The following TRAPPC8 variants were observed in gnomAD, a reference collection of about 807,000 sequenced individuals.
TRAPPC8 encodes general sporulation gene 1 homolog.
In TRAPPC8, 54 loss-of-function variants were observed where a neutral mutation model predicts 174.3. The observed-to-expected ratio is 0.31, with a 90% CI of 0.25 to 0.39. The LOEUF is 0.39. Ranked by LOEUF, TRAPPC8 falls within the 10% of genes least tolerant of loss-of-function variation. The pLI, the probability that TRAPPC8 is intolerant of heterozygous loss-of-function variation, is 1.00. For synonymous variants in TRAPPC8, 630 were observed against 579.9 expected (o/e 1.09, Z -1.24); for missense variants, 1,531 against 1,699.1 (o/e 0.90, Z 1.74).
intron 26 of TRAPPC8, chr18:31,845,252 A>G (rs1489460184): frequency 2.6e-5 from 4 of 152,022 alleles, no homozygotes; most frequent in African/African-American, 9.7e-5. Flanking sequence ...CAATGTCATG[A>G]TCAACAAATA....
chr18:31,917,994 C>T (rs951271711), intron 2 of TRAPPC8, among the ~76,000 whole-genome samples: 10 of 152,002 alleles, frequency 6.6e-5, no homozygotes, highest in Admixed American at 6.6e-4. Flanking sequence ...GGCATGGTGG[C>T]ACGTGACTGT....
In TRAPPC8 at chr18:31,901,115, GTT is replaced by G. The variant is rs3833187; in HGVS notation, c.1390-92_1390-91del. The G allele has an allele frequency of 8.3e-6, 8 of 968,148 alleles. No homozygotes were observed. In the African/African-American group the frequency reaches 1.2e-4, roughly 15 times the overall value. The allele number at this position is 968,148 out of a possible 1,614,324, so 60.0% of individuals were successfully genotyped here. A position where few individuals can be genotyped will look rare whatever the true frequency, so the allele number is the denominator to read the frequency against. ...ACTAAAAGTTGGAATGAAATTTGCT[GTT>G]TTTTTTTTAACTGGATACACATGTA... On this transcript the variant is annotated intron_variant, in intron 9 of 28. Transcript: ENST00000283351.
intron 10 of TRAPPC8, among the ~76,000 whole-genome samples, chr18:31,898,141 A>T (rs1468471477): frequency 6.6e-6 from 1 of 150,772 alleles, no homozygotes; most frequent in Non-Finnish European, 1.5e-5. Context: ...TATAATACCT[A>T]CTACAATGTA....
At chr18:31,885,964 G>A (rs1237589507) in intron 12 of TRAPPC8, among the ~76,000 whole-genome samples, 2 of 151,430 alleles carry the variant, frequency 1.3e-5, no homozygotes, top group East Asian at 3.9e-4. Flanking sequence ...TTTCTGAACG[G>A]CGCTTGCAAC....
intron 10 of TRAPPC8, among the ~76,000 whole-genome samples, chr18:31,899,434 C>A (rs2036317696): frequency 6.6e-6 from 1 of 152,118 alleles, no homozygotes; most frequent in South Asian, 2.1e-4. Context: ...TTTGTTCTAA[C>A]CATGTTACCA....
intron 9 of TRAPPC8, among the ~76,000 whole-genome samples, chr18:31,904,722 C>A (rs979134788): frequency 6.6e-6 from 1 of 152,112 alleles, no homozygotes; most frequent in African/African-American, 2.4e-5. Context: ...GACAAAATAT[C>A]GTACAGCTCT....
chr18:31,851,181 C>T (rs998089261), intron 24 of TRAPPC8, among the ~76,000 whole-genome samples: 1 of 152,128 alleles, frequency 6.6e-6, no homozygotes. Context: ...ATTATATGAA[C>T]TTTTACACCC....
At chr18:31,920,035 C>A (rs562793108) in intron 2 of TRAPPC8, among the ~76,000 whole-genome samples, 2 of 152,084 alleles carry the variant, frequency 1.3e-5, no homozygotes, top group Non-Finnish European at 2.9e-5. Context: ...CAAAGTAAGT[C>A]TACCTGGAAA....
intron 9 of TRAPPC8, among the ~76,000 whole-genome samples, chr18:31,906,984 A>T (rs1241128915): frequency 2.0e-5 from 3 of 152,158 alleles, no homozygotes; most frequent in Non-Finnish European, 4.4e-5. Flanking sequence ...GTCAAGGTTT[A>T]AAAAAACTTC....
At chr18:31,925,097 G>A (rs1410878669) in intron 2 of TRAPPC8, among the ~76,000 whole-genome samples, 5 of 151,888 alleles carry the variant, frequency 3.3e-5, no homozygotes, top group Admixed American at 6.6e-5. Flanking sequence ...CAATAAAGAA[G>A]TCTACTAACT....
chr18:31,910,525 G>A (rs1008209627), intron 5 of TRAPPC8, among the ~76,000 whole-genome samples: 7 of 152,148 alleles, frequency 4.6e-5, no homozygotes, highest in African/African-American at 1.7e-4. Context: ...TGTCTTAATG[G>A]AAAACTAACA....
intron 27 of TRAPPC8, 32 bp from the exon 28 acceptor site, chr18:31,832,205 T>C (rs778421149): frequency 2.2e-6 from 3 of 1,371,792 alleles, no homozygotes; most frequent in East Asian, 2.8e-5. Flanking sequence ...AAAAGTTATA[T>C]ATTTTTTTCT....
chr18:31,940,493 TTC>T (rs2038285431), intron 1 of TRAPPC8, among the ~76,000 whole-genome samples: 1 of 151,884 alleles, frequency 6.6e-6, no homozygotes, highest in Non-Finnish European at 1.5e-5. Context: ...AAAAACTAAT[TTC>T]ACTTGTTTCT....
At chr18:31,931,616 T>A in intron 1 of TRAPPC8, 93 bp from the exon 2 acceptor site, 1 of 978,322 alleles carries the variant, frequency 1.0e-6, no homozygotes, top group Non-Finnish European at 1.4e-6. Flanking sequence ...AAAAAGGATG[T>A]ACAAAGCAGA....
rs1204947363 is a variant in TRAPPC8 at position 31,874,560 on chromosome 18, T to C, written c.1873A>G (p.Arg625Gly). ...TTACTTTCATTAATTAGAATATGCC[T>C]AAAAGCAGACACAGCATTATCCAGC... ...RQLDNAVSAF[R>G]HILINESKQS... Residue 625 changes from arginine (R) to glycine (G), a missense_variant, in exon 13 of 29, where the codon AGG (arginine) becomes GGG (glycine). By Grantham distance (125) the Arg-to-Gly change is moderately radical. Transcript: ENST00000283351. The C allele has an allele frequency of 1.9e-6, 3 of 1,614,030 alleles. No homozygotes were observed. The highest frequency in any genetic ancestry group is 1.3e-5 in the African/African-American group (1 of 74,934).
intron 26 of TRAPPC8, among the ~76,000 whole-genome samples, chr18:31,840,947 C>CA (rs1298400628): frequency 6.7e-6 from 1 of 149,506 alleles, no homozygotes. Context: ...AAAACACAAA[C>CA]AAAAAAAGAT....
rs146772760 is a variant in TRAPPC8, at chr18:31,922,685, T to A, written c.353-5018A>T. Among the ~76,000 whole-genome samples, 130 of 152,218 alleles carry A rather than the reference T, an allele frequency of 8.5e-4. No homozygotes were observed. In the East Asian group the frequency reaches 0.02, roughly 24 times the overall value. On this transcript the variant is annotated intron_variant, in intron 2 of 28. Coordinates refer to ENST00000283351, the MANE Select transcript of TRAPPC8 (RefSeq NM_014939.5). ...TCATATCCCTTTCCATCTCTACATG[T>A]TCTTTCTTTGGAATTGAAATAGCAA...
At chr18:31,866,708 T>C (rs1240459732) in intron 18 of TRAPPC8, 141 bp downstream of exon 18, 1 of 855,866 alleles carries the variant, frequency 1.2e-6, no homozygotes. Flanking sequence ...TAATCTAAAT[T>C]TGTCATTCTT....
chr18:31,839,479 A>ATT, intron 26 of TRAPPC8, 22 bp from the exon 27 acceptor site: 1 of 1,571,872 alleles, frequency 6.4e-7, no homozygotes, highest in South Asian at 1.2e-5. Context: ...AAGAAAAAAC[A>ATT]TATGACAATA....
Sources: gnomAD v4.1 joint callset for allele counts (sites outside exome capture counted in the v4.1 genomes callset) on GRCh38, gnomAD v4.1.1 for gene constraint, MANE v1.5 for transcripts, NCBI Gene and HGNC (gene_info 2026-07-23, HGNC 2026-07-21) for gene names.